ATG10: variants seen among roughly 807,000 people sequenced by gnomAD.
The protein encoded by ATG10 is ubiquitin-like-conjugating enzyme ATG10.
In ATG10, 30 loss-of-function variants were observed where a neutral mutation model predicts 32.1. The ratio of observed to expected loss-of-function variants is 0.94; its 90% confidence interval spans 0.70 to 1.27. The LOEUF is 1.27. ATG10 is among the 50% of genes most tolerant of loss of function. ATG10 has a pLI of 0.00. For synonymous variants in ATG10, 87 were observed against 91.5 expected, an observed-to-expected ratio of 0.95 and a Z score of 0.28; for missense variants, 233 against 262.3, an observed-to-expected ratio of 0.89 and a Z score of 0.77.
chr5:82,219,574 A>G (rs1581817075), intron 5 of ATG10, among the ~76,000 whole-genome samples: 1 of 47,270 alleles, frequency 2.1e-5, no homozygotes, highest in African/African-American at 2.2e-4. Context: ...GCTGAGGCTT[A>G]TATGTTGCTT....
intron 5 of ATG10, among the ~76,000 whole-genome samples, chr5:82,226,695 A>C (rs1746147554): frequency 6.6e-6 from 1 of 152,202 alleles, no homozygotes. Flanking sequence ...TCTTATAGCA[A>C]CTTCATTATT....
chr5:82,070,267 A>G (rs965595095), intron 3 of ATG10, among the ~76,000 whole-genome samples: 43 of 152,182 alleles, frequency 2.8e-4, no homozygotes, highest in African/African-American at 1.0e-3. Context: ...TCTCGTCTCT[A>G]TGCTCCAATT....
At chr5:82,206,911 T>C (rs968388939) in intron 5 of ATG10, among the ~76,000 whole-genome samples, 4 of 152,340 alleles carry the variant, frequency 2.6e-5, no homozygotes, top group Admixed American at 6.5e-5. Flanking sequence ...TTCTTTTAAT[T>C]CTGGTTACTT....
At chr5:82,015,415 A>C (rs1762256833) in intron 2 of ATG10, among the ~76,000 whole-genome samples, 1 of 152,208 alleles carries the variant, frequency 6.6e-6, no homozygotes, top group Non-Finnish European at 1.5e-5. Context: ...AATATCCTGA[A>C]GAGTGTTTTC....
intron 3 of ATG10, among the ~76,000 whole-genome samples, chr5:82,077,457 T>C (rs924967558): frequency 1.3e-5 from 2 of 152,230 alleles, no homozygotes; most frequent in Admixed American, 1.3e-4. Context: ...TTTGTAATAA[T>C]AATATTTTGT....
chr5:82,242,811 G>T (rs1746857902), intron 5 of ATG10: 1 of 451,784 alleles, frequency 2.2e-6, no homozygotes, highest in Non-Finnish European at 4.4e-6. Flanking sequence ...TCACCAAGAG[G>T]TGTTCAGAAG....
intron 5 of ATG10, among the ~76,000 whole-genome samples, chr5:82,210,192 A>G (rs1745442669): frequency 6.6e-6 from 1 of 152,072 alleles, no homozygotes; most frequent in Non-Finnish European, 1.5e-5. Context: ...TGTGTATGTA[A>G]TAGCTTCTTT....
chr5:82,229,041 C>A (rs115303913), intron 5 of ATG10, among the ~76,000 whole-genome samples: 1 of 152,290 alleles, frequency 6.6e-6, no homozygotes, highest in Non-Finnish European at 1.5e-5. Context: ...CAGAGAAGGT[C>A]AGTGTATAAA....
At chr5:82,075,654 G>C (rs1764252897) in intron 3 of ATG10, among the ~76,000 whole-genome samples, 1 of 152,140 alleles carries the variant, frequency 6.6e-6, no homozygotes, top group Non-Finnish European at 1.5e-5. Context: ...TGTCTGTGTA[G>C]GTCAGGTGCG....
chr5:81,980,515 G>A (rs1017330081), intron 1 of ATG10, among the ~76,000 whole-genome samples: 2 of 152,084 alleles, frequency 1.3e-5, no homozygotes, highest in Admixed American at 1.3e-4. Flanking sequence ...CAGATGAATG[G>A]GTACAACGAA....
At chr5:82,096,879 A>G (rs1765084630) in intron 3 of ATG10, among the ~76,000 whole-genome samples, 1 of 152,102 alleles carries the variant, frequency 6.6e-6, no homozygotes, top group Middle Eastern at 3.2e-3. Context: ...CATCTGATCA[A>G]ATAATATCTC....
intron 2 of ATG10, among the ~76,000 whole-genome samples, chr5:82,015,961 A>G (rs1762275346): frequency 6.6e-6 from 1 of 151,932 alleles, no homozygotes; most frequent in South Asian, 2.1e-4. Context: ...GGTTTTATCT[A>G]CCTTTGGTCT....
chr5:82,213,436 A>G (rs1745566170), intron 5 of ATG10, among the ~76,000 whole-genome samples: 1 of 152,220 alleles, frequency 6.6e-6, no homozygotes, highest in Non-Finnish European at 1.5e-5. Flanking sequence ...AGAGAATGCT[A>G]AGCAAACTCT....
rs149287904 is a variant in ATG10, at chr5:82,160,311, A to AT, written c.217-4087dup. Among the ~76,000 whole-genome samples the AT allele has an allele frequency of 7.0e-3, 1,067 of 152,334 alleles. 9 individuals carry two copies. Among genetic ancestry groups the AT allele is most frequent in the African/African-American group, 0.022 (901 of 41,584 alleles). ...TGGAGATTGACTTTTATCACTTAGC[A>AT]TAATTCCCTGGAGATTCATCCAGGT... On this transcript the variant is annotated intron_variant, in intron 3 of 7. Transcript: ENST00000282185.
intron 3 of ATG10, chr5:82,147,246 G>C: frequency 4.2e-6 from 1 of 236,736 alleles, no homozygotes; most frequent in Non-Finnish European, 8.8e-6. Flanking sequence ...TCAGCTCACT[G>C]CAACCTCCGC....
chr5:82,142,441 C>T (rs1306464181), intron 3 of ATG10, among the ~76,000 whole-genome samples: 1 of 151,956 alleles, frequency 6.6e-6, no homozygotes, highest in African/African-American at 2.4e-5. Context: ...GCTGGGATGG[C>T]ACGTATGTAA....
chr5:82,084,879 G>T (rs1268382729), intron 3 of ATG10, among the ~76,000 whole-genome samples: 1 of 152,156 alleles, frequency 6.6e-6, no homozygotes, highest in African/African-American at 2.4e-5. Context: ...GCCAAAACAT[G>T]CCAAATTGTA....
intron 3 of ATG10, among the ~76,000 whole-genome samples, chr5:82,077,866 C>A (rs181056418): frequency 6.6e-5 from 10 of 152,222 alleles, no homozygotes; most frequent in Admixed American, 5.9e-4. Flanking sequence ...TTGCACTTGT[C>A]TGGAGTATTT....
intron 1 of ATG10, among the ~76,000 whole-genome samples, chr5:81,977,757 C>A (rs766093505): frequency 1.3e-5 from 2 of 152,296 alleles, no homozygotes; most frequent in South Asian, 4.1e-4. Flanking sequence ...GTTTTGGAGT[C>A]TTCCCCAGTT....
Sources: gnomAD v4.1 joint callset for allele counts (sites outside exome capture counted in the v4.1 genomes callset) on GRCh38, gnomAD v4.1.1 for gene constraint, MANE v1.5 for transcripts, NCBI Gene and HGNC (gene_info 2026-07-23, HGNC 2026-07-21) for gene names.